The following RYR2 variants were observed in gnomAD, a reference collection of about 807,000 sequenced individuals.
RYR2 encodes ryanodine receptor 2.
Under a neutral mutation model 601.1 loss-of-function variants are expected in RYR2, and 227 were observed. The observed-to-expected ratio is 0.38, with a 90% CI of 0.34 to 0.42. The LOEUF (loss-of-function observed/expected upper bound fraction) is 0.42. Ranked by LOEUF, RYR2 falls within the 10% of genes least tolerant of loss-of-function variation. The pLI, the probability that RYR2 is intolerant of heterozygous loss-of-function variation, is 1.00. For synonymous variants in RYR2, 2,223 were observed against 2,175.1 expected, an observed-to-expected ratio of 1.02 and a Z score of -0.61; for missense variants, 4,646 against 6,156.5, an observed-to-expected ratio of 0.75 and a Z score of 8.21.
At chr1:237,265,588 C>T (rs755375103) in intron 1 of RYR2, among the ~76,000 whole-genome samples, 14 of 152,168 alleles carry the variant, frequency 9.2e-5, no homozygotes, top group Non-Finnish European at 1.8e-4. Flanking sequence ...TCCCAAAGTG[C>T]TGGGATTACA....
chr1:237,791,654 T>C, intron 93 of RYR2, 139 bp downstream of exon 93: 1 of 605,890 alleles, frequency 1.7e-6, no homozygotes, highest in Non-Finnish European at 2.9e-6. Context: ...TAGGCACTGA[T>C]ATCACTGTTA....
chr1:237,695,268 T>C (rs186613884), intron 63 of RYR2, among the ~76,000 whole-genome samples: 1 of 152,344 alleles, frequency 6.6e-6, no homozygotes, highest in African/African-American at 2.4e-5. Context: ...TCCCTATTGT[T>C]ATTAGACCCA....
intron 27 of RYR2, among the ~76,000 whole-genome samples, chr1:237,562,220 C>T (rs1211113522): frequency 6.6e-6 from 1 of 152,064 alleles, no homozygotes; most frequent in African/African-American, 2.4e-5. Flanking sequence ...TTATTTACTA[C>T]AAGGTTTAAT....
chr1:237,771,070 C>T (rs1383245247), intron 85 of RYR2, among the ~76,000 whole-genome samples, 183 bp downstream of exon 85: 4 of 152,050 alleles, frequency 2.6e-5, no homozygotes, highest in Non-Finnish European at 5.9e-5. Flanking sequence ...TCACAGTCCT[C>T]GGATATCCAT....
In RYR2 at chr1:237,500,772, C is replaced by T; in HGVS notation, c.2265C>T (p.Ile755=). Reference sequence around the variant, plus strand: ...ATCTGTTAAGAACTGATGATGTCATCAGTTGCTGTTTAGATCTGAGTGCCC... The same window carrying T: ...ATCTGTTAAGAACTGATGATGTCATTAGTTGCTGTTTAGATCTGAGTGCCC... ...NQHLLRTDDV[I]SCCLDLSAPS... Residue 755 remains isoleucine, a synonymous_variant, in exon 21 of 105, where the codon ATC becomes ATT. Coordinates refer to ENST00000366574, the MANE Select transcript of RYR2 (RefSeq NM_001035.3). 7 of 1,613,970 alleles carry T rather than the reference C, an allele frequency of 4.3e-6. No homozygotes were observed. The highest frequency in any genetic ancestry group is 5.9e-6 in the Non-Finnish European group (7 of 1,179,864).
At chr1:237,105,855 A>G (rs1439436353) in intron 1 of RYR2, among the ~76,000 whole-genome samples, 1 of 151,712 alleles carries the variant, frequency 6.6e-6, no homozygotes. Context: ...AAAAAAAAAA[A>G]AAATCCAAAC....
At chr1:237,295,388 C>A (rs915840755) in intron 2 of RYR2, among the ~76,000 whole-genome samples, 4 of 152,002 alleles carry the variant, frequency 2.6e-5, no homozygotes, top group Non-Finnish European at 5.9e-5. Context: ...AGGGAAGGGG[C>A]CCAGAAAATT....
intron 27 of RYR2, among the ~76,000 whole-genome samples, chr1:237,559,573 T>C (rs1455439906): frequency 6.6e-6 from 1 of 152,204 alleles, no homozygotes; most frequent in Non-Finnish European, 1.5e-5. Flanking sequence ...TCATTACACA[T>C]GGTTTTATTT....
At chr1:237,492,643 C>G (rs1427848204) in intron 18 of RYR2, among the ~76,000 whole-genome samples, 1 of 151,972 alleles carries the variant, frequency 6.6e-6, no homozygotes, top group Non-Finnish European at 1.5e-5. Context: ...GAGTTTGAGA[C>G]CAGCCTGGGT....
chr1:237,387,010 TA>T (rs1304603694), intron 8 of RYR2, among the ~76,000 whole-genome samples: 3 of 152,256 alleles, frequency 2.0e-5, no homozygotes, highest in Non-Finnish European at 4.4e-5. Flanking sequence ...AGTATCTTGT[TA>T]CAAATAAACT....
chr1:237,481,914 A>G (rs947210372), intron 17 of RYR2, among the ~76,000 whole-genome samples: 9 of 150,776 alleles, frequency 6.0e-5, no homozygotes, highest in African/African-American at 2.2e-4. Flanking sequence ...ACTGCTGCTT[A>G]CTTCATTTGC....
intron 101 of RYR2, among the ~76,000 whole-genome samples, chr1:237,823,855 C>T (rs556000664): frequency 9.2e-5 from 14 of 152,088 alleles, no homozygotes; most frequent in East Asian, 5.8e-4. Context: ...ATATCACCAC[C>T]GATCCCACAG....
At chr1:237,445,965 CACCACCATGCCTAGCTA>C (rs1475237859) in intron 14 of RYR2, among the ~76,000 whole-genome samples, 1 of 152,038 alleles carries the variant, frequency 6.6e-6, no homozygotes, top group East Asian at 1.9e-4. Flanking sequence ...TACAGGTGCT[CACCACCATGCCTAGCTA>C]ATTTTTGTAT....
intron 10 of RYR2, among the ~76,000 whole-genome samples, chr1:237,400,716 A>G (rs1221019491): frequency 6.6e-6 from 1 of 152,148 alleles, no homozygotes; most frequent in Non-Finnish European, 1.5e-5. Flanking sequence ...TCCCACTGAG[A>G]AAAACTAATA....
At chr1:237,219,470 C>T (rs565309238) in intron 1 of RYR2, among the ~76,000 whole-genome samples, 4 of 152,244 alleles carry the variant, frequency 2.6e-5, no homozygotes, top group African/African-American at 9.6e-5. Context: ...TTCCAGAACC[C>T]TCTTGCCCCC....
intron 56 of RYR2, among the ~76,000 whole-genome samples, chr1:237,663,454 G>GCACT (rs1400907766): frequency 1.3e-5 from 2 of 152,178 alleles, no homozygotes; most frequent in Non-Finnish European, 2.9e-5. Flanking sequence ...CTGGGGCTTA[G>GCACT]CACTCCCTCA....
intron 1 of RYR2, among the ~76,000 whole-genome samples, chr1:237,216,022 C>G (rs1372107713): frequency 6.6e-6 from 1 of 152,098 alleles, no homozygotes; most frequent in Non-Finnish European, 1.5e-5. Flanking sequence ...GTTATTAAGT[C>G]AATATTTGCA....
At chr1:237,105,033 G>T (rs1431429948) in intron 1 of RYR2, among the ~76,000 whole-genome samples, 5 of 152,216 alleles carry the variant, frequency 3.3e-5, no homozygotes, top group Non-Finnish European at 7.3e-5. Context: ...AGGCCTTCTA[G>T]AACCTCACGA....
chr1:237,750,496 G>T (rs1423763786), intron 80 of RYR2, among the ~76,000 whole-genome samples: 1 of 150,416 alleles, frequency 6.6e-6, no homozygotes, highest in Non-Finnish European at 1.5e-5. Flanking sequence ...ATAATATAAT[G>T]AACTTTATAT....
Sources: gnomAD v4.1 joint callset for allele counts (sites outside exome capture counted in the v4.1 genomes callset) on GRCh38, gnomAD v4.1.1 for gene constraint, MANE v1.5 for transcripts, NCBI Gene and HGNC (gene_info 2026-07-23, HGNC 2026-07-21) for gene names.